Variants in BLZF1 observed in about 807,000 individuals in gnomAD.
The protein encoded by BLZF1 is golgin-45.
A neutral mutation model predicts 43.8 loss-of-function variants in BLZF1; 39 were observed. The ratio of observed to expected loss-of-function variants is 0.89; its 90% confidence interval spans 0.69 to 1.16. The LOEUF is 1.16. Among genes scored for constraint, BLZF1 ranks in the 50% most tolerant of loss-of-function variants. The pLI is 0.00. For synonymous variants in BLZF1, 136 were observed against 159.4 expected, an observed-to-expected ratio of 0.85 and a Z score of 1.11; for missense variants, 449 against 469.8, an observed-to-expected ratio of 0.96 and a Z score of 0.41.
Position 169,387,176 on chromosome 1 carries a change from C to G in BLZF1, c.1197C>G (p.Ala399=). The part of the protein sequence containing the change: ...CCNHCRGELI[A]L ...ATCACTGCCGGGGAGAACTGATTGCCCTTTAACAGTCAATATGTTGGAGGC... is the reference window on the plus strand; with the variant it reads ...ATCACTGCCGGGGAGAACTGATTGCGCTTTAACAGTCAATATGTTGGAGGC... Residue 399 remains alanine (A), a synonymous_variant, in exon 7 of 7, where the codon GCC becomes GCG. Transcript: ENST00000367808. 6.2e-7 allele frequency: 1 copy of G among 1,611,476 alleles called. No individual in the cohort carries two copies. Among genetic ancestry groups the G allele is most frequent in the Non-Finnish European group, 8.5e-7 (1 of 1,179,162 alleles).
chr1:169,390,391 C>T (rs1557852768), downstream of BLZF1, among the ~76,000 whole-genome samples: 1 of 152,062 alleles, frequency 6.6e-6, no homozygotes, highest in Non-Finnish European at 1.5e-5. Flanking sequence ...AAGAAGTCAA[C>T]AGTTAGTTCT....
chr1:169,372,440 G>A (rs1431993119), intron 2 of BLZF1, among the ~76,000 whole-genome samples: 1 of 152,122 alleles, frequency 6.6e-6, no homozygotes, highest in Admixed American at 6.6e-5. Context: ...GCTTCAGTAA[G>A]CATTTATTCA....
chr1:169,378,519 C>T lies in BLZF1; in HGVS notation c.658C>T (p.Leu220Phe), dbSNP rs759853580. The T allele has an allele frequency of 1.2e-6, 2 of 1,611,930 alleles. No individual in the cohort carries two copies. Among genetic ancestry groups the T allele is most frequent in the South Asian group, 2.2e-5 (2 of 90,928 alleles). The change falls in exon 4 of 7, where the codon CTT (leucine) becomes TTT (phenylalanine). Residue 220 changes from leucine (L) to phenylalanine (F), a missense_variant. Leu to Phe is a conservative substitution (Grantham distance 22). Transcript: ENST00000367808. Reference sequence around the variant, plus strand: ...GTGTGATGTATGGCGAAGTAAATTCCTTGCAAGCAGGTATTTTCTACAGCA... The same window carrying T: ...GTGTGATGTATGGCGAAGTAAATTCTTTGCAAGCAGGTATTTTCTACAGCA... ...IQCDVWRSKF[L>F]ASRVMADELT... is the part of the protein sequence containing the mutation.
chr1:169,391,386 G>A (rs1003031809), downstream of BLZF1, among the ~76,000 whole-genome samples: 3 of 152,158 alleles, frequency 2.0e-5, no homozygotes, highest in African/African-American at 7.2e-5. Flanking sequence ...TGCAGCTGCT[G>A]GGATCCCCCT....
Position 169,385,817 on chromosome 1 carries a change from GA to G in BLZF1, c.1018-1170del, listed in dbSNP as rs915855416. Among the ~76,000 whole-genome samples the G allele has an allele frequency of 7.5e-4, 112 of 149,742 alleles. 1 individual carries two copies. The highest frequency in any genetic ancestry group is 2.5e-3 in the African/African-American group (104 of 40,888). The stretch of plus-strand genomic sequence containing the variant: ...TTGGGTTTGGTGGTAACTTAGAAGG[GA>G]AAAAAAAAATCTGCAGGACCACATG... On this transcript the variant is annotated intron_variant, in intron 6 of 6. Coordinates refer to ENST00000367808, the MANE Select transcript of BLZF1 (RefSeq NM_001320973.2).
chr1:169,381,815 AAGATG>A (rs1178304646), intron 5 of BLZF1, among the ~76,000 whole-genome samples: 1 of 152,166 alleles, frequency 6.6e-6, no homozygotes, highest in Non-Finnish European at 1.5e-5. Flanking sequence ...CCTATACTAA[AAGATG>A]AGAACAAAGA....
At chr1:169,394,482 AC>A (rs1654906983) in intron 7 of BLZF1, among the ~76,000 whole-genome samples, 1 of 151,430 alleles carries the variant, frequency 6.6e-6, no homozygotes, top group Non-Finnish European at 1.5e-5. Flanking sequence ...CCCTTCCCTC[AC>A]CCCCAGGAGT....
intron 5 of BLZF1, among the ~76,000 whole-genome samples, chr1:169,381,799 G>C (rs565862746): frequency 6.6e-6 from 1 of 152,116 alleles, no homozygotes; most frequent in African/African-American, 2.4e-5. Context: ...AATTATGTAA[G>C]TAGTTCCTAT....
chr1:169,383,028 C>T lies in BLZF1; in HGVS notation c.1017+747C>T, dbSNP rs139806314. 5.0e-3 allele frequency among the ~76,000 whole-genome samples: 767 copies of T among 152,286 alleles called. 3 individuals are homozygous for T. Among genetic ancestry groups the T allele is most frequent in the Non-Finnish European group, 8.1e-3 (549 of 68,020 alleles). On this transcript the variant is annotated intron_variant, in intron 6 of 6. Coordinates refer to ENST00000367808, the MANE Select transcript of BLZF1 (RefSeq NM_001320973.2). ...CTCACTCTTTTAGTTTCTCTTCCCA[C>T]ATAGCTTTCCTAGACTCTATTCATA...
At chr1:169,372,510 A>G (rs773033414) in intron 2 of BLZF1, among the ~76,000 whole-genome samples, 3 of 152,152 alleles carry the variant, frequency 2.0e-5, no homozygotes, top group African/African-American at 7.2e-5. Context: ...GAGGCGGTCC[A>G]TACCCTGAAG....
intron 3 of BLZF1, among the ~76,000 whole-genome samples, chr1:169,377,785 TTAATAG>T (rs1443118814): frequency 6.6e-6 from 1 of 152,046 alleles, no homozygotes; most frequent in Non-Finnish European, 1.5e-5. Context: ...AGTGTCATTG[TTAATAG>T]TAACAGTGTT....
downstream of BLZF1, among the ~76,000 whole-genome samples, chr1:169,389,220 G>A (rs567438360): frequency 6.6e-6 from 1 of 152,136 alleles, no homozygotes; most frequent in South Asian, 2.1e-4. Flanking sequence ...CTTGAACCTG[G>A]GAGGTGGAGG....
At position 169,387,431 on chromosome 1, in the gene BLZF1, TTTTC is replaced by T; in HGVS notation, c.*250_*253del. On this transcript the variant is annotated 3_prime_UTR_variant, in exon 7 of 7. Transcript: ENST00000367808. ...ATACTTTCCAAGCAATACATGATAC[TTTTC>T]CTAAAAGACTCTAAAAGAAAAAGAT... 1 of 304,538 alleles carries T rather than the reference TTTTC, an allele frequency of 3.3e-6. No homozygotes were observed. Among genetic ancestry groups the T allele is most frequent in the East Asian group, 6.1e-5 (1 of 16,342 alleles). 18.9% of individuals were successfully genotyped at this position (304,538 alleles called of 1,614,324 possible).
At position 169,387,222 on chromosome 1, in the gene BLZF1, T is replaced by TA; in HGVS notation, c.*41dup. On this transcript the variant is annotated 3_prime_UTR_variant, in exon 7 of 7. Transcript: ENST00000367808. ...GAGGCATGCTAAGGTACTTCCTTATTACCCAAGAGTCATTATTATTTGGGA... is the reference window on the plus strand; with the variant it reads ...GAGGCATGCTAAGGTACTTCCTTATTAACCCAAGAGTCATTATTATTTGGGA... 6.5e-7 allele frequency: 1 copy of TA among 1,547,448 alleles called. No homozygotes were observed. The highest frequency in any genetic ancestry group is 8.8e-7 in the Non-Finnish European group (1 of 1,141,622).
chr1:169,387,170 G>T lies in BLZF1; in HGVS notation c.1191G>T (p.Leu397=). 1 of 1,613,138 alleles carries T rather than the reference G, an allele frequency of 6.2e-7. No homozygotes were observed. Among genetic ancestry groups the T allele is most frequent in the South Asian group, 1.1e-5 (1 of 90,902 alleles). Residue 397 remains leucine (L), a synonymous_variant, in exon 7 of 7, where the codon CTG becomes CTT. Coordinates refer to ENST00000367808, the MANE Select transcript of BLZF1 (RefSeq NM_001320973.2). The part of the protein sequence containing the change: ...FNCCNHCRGE[L]IAL ...GCTGCAATCACTGCCGGGGAGAACT[G>T]ATTGCCCTTTAACAGTCAATATGTT...
Position 169,378,389 on chromosome 1 carries a change from C to T in BLZF1, c.528C>T (p.His176=), listed in dbSNP as rs751392428. The part of the protein sequence containing the change: ...VASVGDDLQY[H]FERLAREKNQ... ...CTGTTGGGGATGATCTTCAGTATCA[C>T]TTTGAACGTCTAGCCCGTGAGAAAA... The change falls in exon 4 of 7, where the codon CAC becomes CAT. Residue 176 remains histidine, a synonymous_variant. Transcript: ENST00000367808. The T allele has an allele frequency of 1.2e-6, 2 of 1,612,938 alleles. No individual in the cohort carries two copies. The highest frequency in any genetic ancestry group is 1.7e-6 in the Non-Finnish European group (2 of 1,179,152).
intron 2 of BLZF1, among the ~76,000 whole-genome samples, chr1:169,371,011 G>GC (rs1420745666): frequency 6.6e-6 from 1 of 152,130 alleles, no homozygotes; most frequent in Non-Finnish European, 1.5e-5. Flanking sequence ...TTTTCTAGAT[G>GC]CCAATTTTTC....
chr1:169,384,478 T>G (rs766093642), intron 6 of BLZF1, among the ~76,000 whole-genome samples: 14 of 152,186 alleles, frequency 9.2e-5, no homozygotes, highest in Non-Finnish European at 1.6e-4. Flanking sequence ...GTCTCCCTCA[T>G]TATTGAATCA....
rs749415821 is a variant in BLZF1, at chr1:169,382,273, G to A, written c.1009G>A (p.Ala337Thr). ...EFCSTPAEKM[A>T]ETVLRILDPV... Reference sequence around the variant, plus strand: ...CTGCAGCACCCCAGCTGAGAAAATGGCTGAAACGGTAAAATATTTTCTTTT... The same window carrying A: ...CTGCAGCACCCCAGCTGAGAAAATGACTGAAACGGTAAAATATTTTCTTTT... Residue 337 changes from alanine (A) to threonine (T), a missense_variant, in exon 6 of 7, where the codon GCT (alanine) becomes ACT (threonine). Coordinates refer to ENST00000367808, the MANE Select transcript of BLZF1 (RefSeq NM_001320973.2). 3 of 1,612,774 alleles carry A rather than the reference G, an allele frequency of 1.9e-6. No homozygotes were observed. The highest frequency in any genetic ancestry group is 2.5e-6 in the Non-Finnish European group (3 of 1,179,176).
Sources: gnomAD v4.1 joint callset for allele counts (sites outside exome capture counted in the v4.1 genomes callset) on GRCh38, gnomAD v4.1.1 for gene constraint, MANE v1.5 for transcripts, NCBI Gene and HGNC (gene_info 2026-07-23, HGNC 2026-07-21) for gene names.